Variants in TLL1 observed in about 807,000 individuals in gnomAD.
TLL1 encodes the protein tolloid like 1, also known as tolloid-like protein 1.
In TLL1, 49 loss-of-function variants were observed where a neutral mutation model predicts 128.2. The ratio of observed to expected loss-of-function variants is 0.38; its 90% CI spans 0.30 to 0.48. The LOEUF (loss-of-function observed/expected upper bound fraction) is 0.48. TLL1 is among the 20% of genes least tolerant of loss of function. TLL1 has a pLI of 0.96. For synonymous variants in TLL1, 454 were observed against 418.8 expected (o/e 1.08, Z -1.03); for missense variants, 1,123 against 1,242.0 (o/e 0.90, Z 1.44).
chr4:165,875,332 CTAGT>C (rs1365132276), intron 1 of TLL1, among the ~76,000 whole-genome samples: 1 of 151,982 alleles, frequency 6.6e-6, no homozygotes, highest in Non-Finnish European at 1.5e-5. Context: ...TGGAAATTCC[CTAGT>C]TAATTTTTAC....
At chr4:166,058,003 C>G (rs1430794920) in intron 14 of TLL1, among the ~76,000 whole-genome samples, 1 of 152,150 alleles carries the variant, frequency 6.6e-6, no homozygotes, top group Non-Finnish European at 1.5e-5. Context: ...ATATATAAAT[C>G]TACATCTAGA....
chr4:166,020,259 A>G (rs1738159144), intron 8 of TLL1, among the ~76,000 whole-genome samples: 1 of 152,186 alleles, frequency 6.6e-6, no homozygotes, highest in Admixed American at 6.6e-5. Flanking sequence ...CAAGCCTTTC[A>G]CGCATAAGGC....
rs1742311012 is a variant in TLL1, at chr4:166,101,985, A to G, written c.*1109A>G. Reference sequence around the variant, plus strand: ...GACTTCTTATGGTGCTATTCCATAAACTTTTTTTCAAACAAGTTTTTGACC... The same window carrying G: ...GACTTCTTATGGTGCTATTCCATAAGCTTTTTTTCAAACAAGTTTTTGACC... On this transcript the variant is annotated 3_prime_UTR_variant, in exon 21 of 21. Coordinates refer to ENST00000061240, the MANE Select transcript of TLL1 (RefSeq NM_012464.5). 6.6e-6 allele frequency: 1 copy of G among 152,460 alleles called. No individual in the cohort carries two copies. Among genetic ancestry groups the G allele is most frequent in the Non-Finnish European group, 1.5e-5 (1 of 67,960 alleles). 9.4% of individuals were successfully genotyped at this position (152,460 alleles called of 1,614,324 possible).
chr4:166,038,120 G>T (rs1739081451), intron 9 of TLL1, among the ~76,000 whole-genome samples: 1 of 152,172 alleles, frequency 6.6e-6, no homozygotes, highest in South Asian at 2.1e-4. Context: ...AGAAAGGGGA[G>T]AAGCATATAC....
In TLL1 at chr4:165,923,421, C is replaced by CTTTTTTTTTT. The variant is rs758162016; in HGVS notation, c.169+49364_169+49373dup. On this transcript the variant is annotated intron_variant, in intron 1 of 20. Transcript: ENST00000061240. ...AAGTGCATCGGAAATATAGGTATAC[C>CTTTTTTTTTT]TTTTTTTTTTTTTTTTTTTTTTTTT... Among the ~76,000 whole-genome samples, 74 of 70,846 alleles carry CTTTTTTTTTT rather than the reference C, an allele frequency of 1.0e-3. 14 individuals carry two copies. In the East Asian group the frequency reaches 0.019, roughly 19 times the overall value. 46.5% of individuals were successfully genotyped at this position (70,846 alleles called of 152,430 possible).
chr4:165,932,620 G>A (rs1174888680), intron 1 of TLL1, among the ~76,000 whole-genome samples: 3 of 150,924 alleles, frequency 2.0e-5, no homozygotes, highest in Non-Finnish European at 2.9e-5. Flanking sequence ...TGGACGTTCT[G>A]ATATTTAAGC....
chr4:166,078,505 A>G (rs1156416320), intron 18 of TLL1, among the ~76,000 whole-genome samples: 1 of 152,152 alleles, frequency 6.6e-6, no homozygotes, highest in East Asian at 1.9e-4. Flanking sequence ...TTTTTGCATG[A>G]TGTATTGCCC....
chr4:166,043,791 AAG>A (rs1470346101), intron 12 of TLL1, among the ~76,000 whole-genome samples: 4 of 146,846 alleles, frequency 2.7e-5, no homozygotes, highest in Admixed American at 6.9e-5. Context: ...TCTTTTTTGT[AAG>A]AGGAACAAAA....
intron 13 of TLL1, among the ~76,000 whole-genome samples, chr4:166,056,710 C>T (rs576960827): frequency 1.3e-5 from 2 of 152,238 alleles, no homozygotes; most frequent in East Asian, 3.9e-4. Flanking sequence ...AAAGGCTAGG[C>T]TTCATTATCC....
intron 8 of TLL1, 61 bp downstream of exon 8, chr4:166,014,621 A>G: frequency 6.2e-7 from 1 of 1,602,528 alleles, no homozygotes; most frequent in Non-Finnish European, 8.5e-7. Flanking sequence ...CCAGATGAAT[A>G]AGCCATGATT....
chr4:166,099,421 A>C lies in TLL1; in HGVS notation c.2801A>C (p.Gln934Pro), dbSNP rs770094214. 2 of 1,613,454 alleles carry C rather than the reference A, an allele frequency of 1.2e-6. No homozygotes were observed. ...GGCTCTCGACTTGAATTATCCTTCC[A>C]GACATTTGAAGTGGAGGAAGAAGCA... ...ERGSRLELSF[Q>P]TFEVEEEADC... The change falls in exon 20 of 21, where the codon CAG becomes CCG. Residue 934 changes from glutamine (Q) to proline (P), a missense_variant. Physicochemically the swap from Gln to Pro is moderately conservative, Grantham distance 76 (BLOSUM62 -1). This residue lies in a region of TLL1 where 634 missense variants were observed against 672.4 expected (regional missense o/e 0.94). Coordinates refer to ENST00000061240, the MANE Select transcript of TLL1 (RefSeq NM_012464.5).
chr4:165,934,173 CTT>C (rs779010027), intron 1 of TLL1, among the ~76,000 whole-genome samples: 54 of 108,286 alleles, frequency 5.0e-4, no homozygotes, highest in Middle Eastern at 5.2e-3. Context: ...TAATTTTTTG[CTT>C]TTTTTTTTTT....
intron 18 of TLL1, among the ~76,000 whole-genome samples, chr4:166,086,362 T>C (rs1741514960): frequency 6.6e-6 from 1 of 152,140 alleles, no homozygotes; most frequent in Non-Finnish European, 1.5e-5. Context: ...TGGCTTAAAA[T>C]GAGCACTGTT....
chr4:166,075,760 C>T (rs1740992717), intron 17 of TLL1, among the ~76,000 whole-genome samples: 1 of 152,144 alleles, frequency 6.6e-6, no homozygotes, highest in Non-Finnish European at 1.5e-5. Flanking sequence ...TAACTTTAGT[C>T]ACCAAATGTA....
At position 166,008,055 on chromosome 4, in the gene TLL1, G is replaced by A. The variant is rs778967949; in HGVS notation, c.917+7G>A. The A allele has an allele frequency of 6.2e-7, 1 of 1,602,876 alleles. No homozygotes were observed. The highest frequency in any genetic ancestry group is 1.1e-5 in the South Asian group (1 of 90,884). ...CCAGGAACACCTTCTCAAGGTTGGA[G>A]TCTCAGGTTATACCTTTTGACTTTT... On this transcript the variant is annotated splice_region_variant and intron_variant, in intron 7 of 20. Coordinates refer to ENST00000061240, the MANE Select transcript of TLL1 (RefSeq NM_012464.5).
intron 6 of TLL1, among the ~76,000 whole-genome samples, chr4:166,005,266 C>G (rs1183540000): frequency 6.6e-6 from 1 of 151,704 alleles, no homozygotes; most frequent in East Asian, 1.9e-4. Context: ...TTTGTATGAT[C>G]CTTATTTTGT....
chr4:165,927,634 G>T (rs1204839809), intron 1 of TLL1, among the ~76,000 whole-genome samples: 1 of 152,140 alleles, frequency 6.6e-6, no homozygotes, highest in Non-Finnish European at 1.5e-5. Context: ...CTGTAAGATT[G>T]TTCATCTAGG....
At chr4:165,960,856 C>G (rs577343535) in intron 1 of TLL1, among the ~76,000 whole-genome samples, 5 of 152,184 alleles carry the variant, frequency 3.3e-5, no homozygotes, top group Admixed American at 2.6e-4. Context: ...CAACATCATA[C>G]TGAACAGGCC....
intron 10 of TLL1, among the ~76,000 whole-genome samples, chr4:166,041,405 A>T (rs2111092001): frequency 6.6e-6 from 1 of 150,400 alleles, no homozygotes; most frequent in African/African-American, 2.5e-5. Context: ...GACTCAAGCG[A>T]TTCTCCTGCC....
Sources: allele counts gnomAD v4.1 joint callset (sites outside exome capture counted in the v4.1 genomes callset), GRCh38; gene constraint gnomAD v4.1.1; regional missense constraint gnomAD v4.1.1; transcripts MANE v1.5; gene names NCBI Gene and HGNC (gene_info 2026-07-23, HGNC 2026-07-21).